Variants in DCDC2C observed in about 807,000 individuals in gnomAD.
DCDC2C encodes the protein doublecortin domain-containing protein 2C.
In DCDC2C, 44 loss-of-function variants were observed where a neutral mutation model predicts 45.0. That is an observed-to-expected ratio of 0.98 (90% CI 0.77 to 1.26). The LOEUF (loss-of-function observed/expected upper bound fraction) is 1.26. Among genes scored for constraint, DCDC2C ranks in the 50% most tolerant of loss-of-function variants. The pLI, the probability that DCDC2C is intolerant of heterozygous loss-of-function variation, is 0.00. For synonymous variants in DCDC2C, 187 were observed against 178.8 expected, an observed-to-expected ratio of 1.05 and a Z score of -0.37; for missense variants, 447 against 468.9, an observed-to-expected ratio of 0.95 and a Z score of 0.43.
chr2:3,714,391 G>C (rs1335194327), intron 2 of DCDC2C, among the ~76,000 whole-genome samples: 1 of 152,142 alleles, frequency 6.6e-6, no homozygotes, highest in African/African-American at 2.4e-5. Flanking sequence ...TCAATGGAAG[G>C]ACTTCTATTA....
intron 2 of DCDC2C, among the ~76,000 whole-genome samples, chr2:3,712,101 A>G (rs993468419): frequency 6.6e-6 from 1 of 152,126 alleles, no homozygotes; most frequent in African/African-American, 2.4e-5. Context: ...CCAACCCTGA[A>G]TGAGTTGGAA....
intron 10 of DCDC2C, among the ~76,000 whole-genome samples, chr2:3,833,271 C>G (rs1671996559): frequency 6.6e-6 from 1 of 152,208 alleles, no homozygotes; most frequent in Non-Finnish European, 1.5e-5. Flanking sequence ...TTCACTGCAA[C>G]CTGATTCCCC....
At chr2:3,758,048 A>G (rs1386004959) in intron 6 of DCDC2C, among the ~76,000 whole-genome samples, 1 of 152,218 alleles carries the variant, frequency 6.6e-6, no homozygotes, top group Non-Finnish European at 1.5e-5. Context: ...GACTATATCT[A>G]CTTGATACTC....
intron 10 of DCDC2C, among the ~76,000 whole-genome samples, chr2:3,819,833 G>T (rs892194739): frequency 1.3e-5 from 2 of 152,188 alleles, no homozygotes; most frequent in Non-Finnish European, 2.9e-5. Context: ...TTGGGCAGGT[G>T]GGGGAGGGCT....
chr2:3,816,327 G>A (rs1263901144), intron 10 of DCDC2C, among the ~76,000 whole-genome samples: 1 of 152,134 alleles, frequency 6.6e-6, no homozygotes, highest in African/African-American at 2.4e-5. Context: ...TAGCATAATT[G>A]CTTGGTTGGT....
chr2:3,770,424 T>A (rs1342392529), intron 8 of DCDC2C, among the ~76,000 whole-genome samples: 1 of 152,242 alleles, frequency 6.6e-6, no homozygotes, highest in East Asian at 1.9e-4. Flanking sequence ...TGCCTCTCAA[T>A]ATTCTAGCTT....
intron 3 of DCDC2C, among the ~76,000 whole-genome samples, chr2:3,736,457 T>A (rs957029901): frequency 3.9e-5 from 6 of 152,146 alleles, no homozygotes; most frequent in Non-Finnish European, 7.3e-5. Context: ...GGAGTCCCCT[T>A]CAGGTTGCAG....
intron 3 of DCDC2C, among the ~76,000 whole-genome samples, chr2:3,736,606 G>A (rs924794825): frequency 2.6e-5 from 4 of 152,168 alleles, no homozygotes; most frequent in African/African-American, 9.7e-5. Flanking sequence ...TTCTCCCCAC[G>A]AGCCAGCAAA....
intron 3 of DCDC2C, among the ~76,000 whole-genome samples, chr2:3,730,647 C>G (rs357947): frequency 1.3e-5 from 2 of 151,988 alleles, no homozygotes; most frequent in Non-Finnish European, 2.9e-5. Context: ...GAGATAACGA[C>G]TGGTCAGCTG....
In DCDC2C at chr2:3,799,109, A is replaced by T. The variant is rs189142433; in HGVS notation, c.1065+14009A>T. Among the ~76,000 whole-genome samples, 76 of 150,974 alleles carry T rather than the reference A, an allele frequency of 5.0e-4. No individual in the cohort carries two copies. In the East Asian group the frequency reaches 0.014, roughly 28 times the overall value. ...TTCTCTAAACTTCCCTTCTCACTTT[A>T]TTTCCTTCATTTCATCTTCCATTGC... On this transcript the variant is annotated intron_variant, in intron 10 of 10. Coordinates refer to ENST00000399143, the MANE Select transcript of DCDC2C (RefSeq NM_001287444.2).
intron 9 of DCDC2C, among the ~76,000 whole-genome samples, chr2:3,784,469 A>G (rs1670596665): frequency 6.6e-6 from 1 of 152,078 alleles, no homozygotes; most frequent in Admixed American, 6.5e-5. Context: ...GATTCAATAA[A>G]GAGAGAGAGG....
At chr2:3,841,679 G>T (rs1467822633) in intron 10 of DCDC2C, among the ~76,000 whole-genome samples, 5 of 152,234 alleles carry the variant, frequency 3.3e-5, no homozygotes, top group Admixed American at 1.3e-4. Context: ...TTGATGCAGA[G>T]AATCATGCCC....
At chr2:3,788,468 T>C (rs9973392) in intron 10 of DCDC2C, 45,336 of 152,088 alleles carry the variant, frequency 0.3, 7,137 homozygotes, top group East Asian at 0.54. Flanking sequence ...GATGCCGTAG[T>C]GACAAGTTCC....
intron 8 of DCDC2C, 86 bp downstream of exon 8, chr2:3,769,497 C>A: frequency 8.5e-7 from 1 of 1,177,644 alleles, no homozygotes; most frequent in Non-Finnish European, 1.2e-6. Context: ...TCACCCTCTC[C>A]CTGCAAATTC....
intron 10 of DCDC2C, among the ~76,000 whole-genome samples, chr2:3,824,198 G>A (rs1007153447): frequency 2.6e-5 from 4 of 152,136 alleles, no homozygotes; most frequent in African/African-American, 9.7e-5. Context: ...ATGATTTGGT[G>A]GTGAGTTATT....
At chr2:3,814,835 G>C (rs979400504) in intron 10 of DCDC2C, among the ~76,000 whole-genome samples, 2 of 152,270 alleles carry the variant, frequency 1.3e-5, no homozygotes, top group Non-Finnish European at 1.5e-5. Flanking sequence ...GACTGGCACA[G>C]CCAGTGTGTT....
chr2:3,736,822 C>G (rs1669046345), intron 3 of DCDC2C, among the ~76,000 whole-genome samples: 1 of 152,198 alleles, frequency 6.6e-6, no homozygotes, highest in South Asian at 2.1e-4. Context: ...AGTTTTCTTT[C>G]AGGTTGTCTC....
chr2:3,775,131 G>A (rs371674744), intron 8 of DCDC2C, among the ~76,000 whole-genome samples: 1 of 89,660 alleles, frequency 1.1e-5, no homozygotes, highest in Non-Finnish European at 2.3e-5. Context: ...AGCTGTGGCT[G>A]TGAGCTAGGC....
chr2:3,745,651 T>C (rs1669338399), intron 4 of DCDC2C, among the ~76,000 whole-genome samples: 1 of 152,214 alleles, frequency 6.6e-6, no homozygotes, highest in Admixed American at 6.5e-5. Context: ...TATTTATCGT[T>C]CCTTAGATAA....
Sources: allele counts gnomAD v4.1 joint callset (sites outside exome capture counted in the v4.1 genomes callset), GRCh38; gene constraint gnomAD v4.1.1; transcripts MANE v1.5; gene names NCBI Gene and HGNC (gene_info 2026-07-23, HGNC 2026-07-21).